The following ZNF385B variants were observed in gnomAD, a reference collection of about 807,000 sequenced individuals.
ZNF385B encodes the protein zinc finger protein 533.
A neutral mutation model predicts 39.2 loss-of-function variants in ZNF385B; 23 were observed. That is an observed-to-expected ratio of 0.59 (90% CI 0.42 to 0.83). ZNF385B has a LOEUF of 0.83. Ranked by LOEUF, ZNF385B falls within the 40% of genes least tolerant of loss-of-function variation. The pLI is 0.00. For missense variants in ZNF385B, 552 were observed against 598.9 expected (o/e 0.92, Z 0.82); for synonymous variants, 205 against 222.6 (o/e 0.92, Z 0.70).
chr2:179,474,123 T>C (rs1287253142), intron 6 of ZNF385B, among the ~76,000 whole-genome samples: 1 of 150,080 alleles, frequency 6.7e-6, no homozygotes, highest in Non-Finnish European at 1.5e-5. Context: ...AAAAAAACAG[T>C]TGTAAAATAG....
chr2:179,832,166 A>G (rs1708021927), intron 1 of ZNF385B, among the ~76,000 whole-genome samples: 1 of 152,134 alleles, frequency 6.6e-6, no homozygotes, highest in Non-Finnish European at 1.5e-5. Flanking sequence ...GCCTTTTGCT[A>G]TATTTACAAA....
At chr2:179,490,748 T>C (rs1266981631) in intron 5 of ZNF385B, among the ~76,000 whole-genome samples, 2 of 152,210 alleles carry the variant, frequency 1.3e-5, no homozygotes, top group African/African-American at 4.8e-5. Context: ...AGATTATTAA[T>C]TTAGATGATT....
chr2:179,845,217 C>T (rs1708739460), intron 1 of ZNF385B, among the ~76,000 whole-genome samples: 1 of 152,150 alleles, frequency 6.6e-6, no homozygotes, highest in South Asian at 2.1e-4. Flanking sequence ...TACAGGTTTA[C>T]TTAAATATTC....
chr2:179,855,858 C>G (rs1213008027), intron 1 of ZNF385B, among the ~76,000 whole-genome samples: 1 of 152,200 alleles, frequency 6.6e-6, no homozygotes, highest in Non-Finnish European at 1.5e-5. Context: ...ATAACCAAGT[C>G]AGCCCATTTC....
At chr2:179,817,812 C>T (rs1354590680) in intron 1 of ZNF385B, among the ~76,000 whole-genome samples, 3 of 151,874 alleles carry the variant, frequency 2.0e-5, no homozygotes, top group East Asian at 3.9e-4. Context: ...TGCATGTTGG[C>T]CTGCAGGAGA....
intron 1 of ZNF385B, among the ~76,000 whole-genome samples, chr2:179,793,062 T>C (rs1262155603): frequency 6.6e-6 from 1 of 152,212 alleles, no homozygotes; most frequent in African/African-American, 2.4e-5. Flanking sequence ...ACTGTGCTAT[T>C]ATCTGGAACA....
intron 3 of ZNF385B, among the ~76,000 whole-genome samples, chr2:179,756,901 G>C (rs1190834612): frequency 6.6e-6 from 1 of 152,058 alleles, no homozygotes; most frequent in Non-Finnish European, 1.5e-5. Flanking sequence ...CTTTACAATG[G>C]GTTTGAACTT....
intron 6 of ZNF385B, among the ~76,000 whole-genome samples, chr2:179,458,130 C>A (rs933807080): frequency 3.9e-5 from 6 of 152,136 alleles, no homozygotes; most frequent in African/African-American, 1.4e-4. Flanking sequence ...AGAAAGCATA[C>A]CATATGATAT....
chr2:179,620,682 A>G (rs1034944351), intron 3 of ZNF385B, among the ~76,000 whole-genome samples: 16 of 152,164 alleles, frequency 1.1e-4, no homozygotes, highest in African/African-American at 2.9e-4. Flanking sequence ...AACTACTTTA[A>G]TGTGAGTCTT....
At chr2:179,761,962 C>A (rs1305118720) in intron 3 of ZNF385B, among the ~76,000 whole-genome samples, 2 of 151,860 alleles carry the variant, frequency 1.3e-5, no homozygotes, top group African/African-American at 4.8e-5. Context: ...TGAGAGTGGA[C>A]ATCCTTCCCC....
chr2:179,786,431 T>C (rs972645475), intron 1 of ZNF385B, among the ~76,000 whole-genome samples: 1 of 152,174 alleles, frequency 6.6e-6, no homozygotes, highest in Non-Finnish European at 1.5e-5. Flanking sequence ...TATCTTTCCA[T>C]GCATTAAATA....
At chr2:179,489,802 T>C (rs143925987) in intron 5 of ZNF385B, among the ~76,000 whole-genome samples, 2 of 152,342 alleles carry the variant, frequency 1.3e-5, no homozygotes, top group Non-Finnish European at 2.9e-5. Flanking sequence ...ATATCAGTAA[T>C]GACATACTAT....
chr2:179,815,164 A>G (rs1164887272), intron 1 of ZNF385B, among the ~76,000 whole-genome samples: 1 of 152,238 alleles, frequency 6.6e-6, no homozygotes, highest in Non-Finnish European at 1.5e-5. Flanking sequence ...GAAGAGGACA[A>G]AGGCTTAAAA....
chr2:179,529,131 C>T (rs761701066), intron 4 of ZNF385B, among the ~76,000 whole-genome samples: 34 of 152,144 alleles, frequency 2.2e-4, no homozygotes, highest in Non-Finnish European at 4.1e-4. Flanking sequence ...GAAATTCTAT[C>T]GCATAGGTGT....
intron 5 of ZNF385B, among the ~76,000 whole-genome samples, chr2:179,507,281 G>A (rs528641319): frequency 6.6e-6 from 1 of 152,198 alleles, no homozygotes; most frequent in South Asian, 2.1e-4. Context: ...GTTTTAGGGA[G>A]CCCATAGGCC....
rs186032359 is a variant in ZNF385B at position 179,646,090 on chromosome 2, T to A, written c.299-101121A>T. ...CTTTGACTACCTCTCCTGAATTCCA[T>A]CCTCCACAATGCTGCCAGAGTGATC... On this transcript the variant is annotated intron_variant, in intron 3 of 9. Coordinates refer to ENST00000410066, the MANE Select transcript of ZNF385B (RefSeq NM_152520.6). 2.6e-5 allele frequency among the ~76,000 whole-genome samples: 4 copies of A among 152,278 alleles called. No individual in the cohort carries two copies. In the East Asian group the frequency reaches 5.8e-4, roughly 22 times the overall value.
At chr2:179,465,436 A>G (rs1169572642) in intron 6 of ZNF385B, among the ~76,000 whole-genome samples, 1 of 152,172 alleles carries the variant, frequency 6.6e-6, no homozygotes, top group Non-Finnish European at 1.5e-5. Context: ...GCTTTTAGAT[A>G]TTTCATGGGT....
At chr2:179,702,859 T>C (rs1699313580) in intron 3 of ZNF385B, among the ~76,000 whole-genome samples, 1 of 152,202 alleles carries the variant, frequency 6.6e-6, no homozygotes, top group Admixed American at 6.5e-5. Context: ...CTTGGTGTTA[T>C]CTGTGATTCT....
At position 179,575,654 on chromosome 2, in the gene ZNF385B, C is replaced by T. The variant is rs540535647; in HGVS notation, c.299-30685G>A. ...ACCTACTTTACTGCAGAATGCCAGA[C>T]CCAGGGGAAGAATATCAAGAAAAAA... On this transcript the variant is annotated intron_variant, in intron 3 of 9. Transcript: ENST00000410066. Among the ~76,000 whole-genome samples, 226 of 152,058 alleles carry T rather than the reference C, an allele frequency of 1.5e-3. 1 individual carries two copies. The highest frequency in any genetic ancestry group is 5.1e-3 in the African/African-American group (213 of 41,460).
Sources: allele counts gnomAD v4.1 joint callset (sites outside exome capture counted in the v4.1 genomes callset), GRCh38; gene constraint gnomAD v4.1.1; transcripts MANE v1.5; gene names NCBI Gene and HGNC (gene_info 2026-07-23, HGNC 2026-07-21).